GABRA2: variants seen among roughly 807,000 people sequenced by gnomAD.
The protein encoded by GABRA2 is gamma-aminobutyric acid receptor subunit alpha-2.
GABRA2 carries 16 observed loss-of-function variants against 48.7 expected under a neutral mutation model. The observed-to-expected ratio is 0.33, with a 90% CI of 0.22 to 0.50. GABRA2 has a LOEUF of 0.50. Ranked by LOEUF, GABRA2 falls within the 20% of genes least tolerant of loss-of-function variation. GABRA2 has a pLI of 0.98. For missense variants in GABRA2, 275 were observed against 535.6 expected (o/e 0.51, Z 4.80); for synonymous variants, 185 against 184.5 (o/e 1.00, Z -0.02).
rs761772081 is a variant in GABRA2 at position 46,244,050 on chromosome 4, C to T, written c.*6258G>A. Reference sequence around the variant, plus strand: ...AAAATCTTGAAAATTTATAGAAGACCAACAATTTTAAAATCAAGTGTAGTG... The same window carrying T: ...AAAATCTTGAAAATTTATAGAAGACTAACAATTTTAAAATCAAGTGTAGTG... On this transcript the variant is annotated 3_prime_UTR_variant, in exon 10 of 10. Coordinates refer to ENST00000381620, the MANE Select transcript of GABRA2 (RefSeq NM_000807.4). 3.3e-5 allele frequency: 5 copies of T among 151,170 alleles called. No individual in the cohort carries two copies. Among genetic ancestry groups the T allele is most frequent in the Non-Finnish European group, 7.4e-5 (5 of 67,510 alleles). 9.4% of individuals were successfully genotyped at this position (151,170 alleles called of 1,614,324 possible).
intron 8 of GABRA2, among the ~76,000 whole-genome samples, chr4:46,263,936 C>G (rs901972417): frequency 1.3e-5 from 2 of 151,868 alleles, no homozygotes; most frequent in Non-Finnish European, 2.9e-5. Context: ...CTCTCTCTCT[C>G]TCTCTCTCTC....
chr4:46,347,813 C>T (rs1161027368), intron 3 of GABRA2, among the ~76,000 whole-genome samples: 1 of 151,848 alleles, frequency 6.6e-6, no homozygotes, highest in Non-Finnish European at 1.5e-5. Context: ...GAAAAAAACA[C>T]AGACTGGGAG....
chr4:46,370,186 G>GA (rs919390003), intron 3 of GABRA2, among the ~76,000 whole-genome samples: 7 of 147,704 alleles, frequency 4.7e-5, no homozygotes, highest in East Asian at 2.0e-4. Flanking sequence ...AAGCAAAGCT[G>GA]AAAAAAAAAG....
chr4:46,289,913 A>AAT (rs1243890563), intron 8 of GABRA2, among the ~76,000 whole-genome samples: 17 of 111,822 alleles, frequency 1.5e-4, no homozygotes, highest in African/African-American at 7.2e-4. Flanking sequence ...ATTTATTTTT[A>AAT]TTTTTTTTTT....
At chr4:46,362,827 T>G (rs944914507) in intron 3 of GABRA2, among the ~76,000 whole-genome samples, 1 of 152,192 alleles carries the variant, frequency 6.6e-6, no homozygotes, top group Non-Finnish European at 1.5e-5. Flanking sequence ...AAAGTTAAAC[T>G]GGTGTATTCA....
At chr4:46,291,387 T>C (rs1723592426) in intron 8 of GABRA2, among the ~76,000 whole-genome samples, 1 of 152,160 alleles carries the variant, frequency 6.6e-6, no homozygotes, top group Non-Finnish European at 1.5e-5. Context: ...ATTGTGATGG[T>C]TGTTACTGAG....
rs924505865 is a variant in GABRA2, at chr4:46,244,121, T to C, written c.*6187A>G. ...GCAATAAGGACTTAACTGTGGATGGTAAAGTTTAATTCATGAGAATTGTGG... is the reference window on the plus strand; with the variant it reads ...GCAATAAGGACTTAACTGTGGATGGCAAAGTTTAATTCATGAGAATTGTGG... On this transcript the variant is annotated 3_prime_UTR_variant, in exon 10 of 10. Transcript: ENST00000381620. The C allele has an allele frequency of 1.3e-5, 2 of 151,566 alleles. No homozygotes were observed. Among genetic ancestry groups the C allele is most frequent in the African/African-American group, 4.8e-5 (2 of 41,412 alleles). The allele number at this position is 151,566 out of a possible 1,614,324, so 9.4% of individuals were successfully genotyped here. A position where few individuals can be genotyped will look rare whatever the true frequency, so the allele number is the denominator to read the frequency against.
At chr4:46,288,107 G>T (rs925376431) in intron 8 of GABRA2, among the ~76,000 whole-genome samples, 2 of 152,064 alleles carry the variant, frequency 1.3e-5, no homozygotes, top group African/African-American at 4.8e-5. Context: ...ACCTCACACT[G>T]GTTTCCTCTC....
intron 4 of GABRA2, among the ~76,000 whole-genome samples, chr4:46,313,201 A>T (rs1317164441): frequency 6.6e-6 from 1 of 150,712 alleles, no homozygotes; most frequent in Non-Finnish European, 1.5e-5. Context: ...AGAAAAAATT[A>T]AAAAGAAAAA....
In GABRA2 at chr4:46,312,587, G is replaced by T; in HGVS notation, c.385C>A (p.His129Asn). 3 of 1,594,234 alleles carry T rather than the reference G, an allele frequency of 1.9e-6. No individual in the cohort carries two copies. The highest frequency in any genetic ancestry group is 2.6e-6 in the Non-Finnish European group (3 of 1,172,478). Residue 129 changes from histidine (H) to asparagine (N), a missense_variant, in exon 5 of 10, where the codon CAC (histidine) becomes AAC (asparagine). His to Asn is a moderately conservative substitution (Grantham distance 68). Coordinates refer to ENST00000381620, the MANE Select transcript of GABRA2 (RefSeq NM_000807.4). ...SKIWTPDTFF[H>N]NGKKSVAHNM... ...TGAGCTACTGATTTTTTCCCATTGT[G>T]AAAAAAGGTATCTGGAGTCCAGATT... is the stretch of plus-strand genomic sequence containing the variant.
chr4:46,261,274 A>C (rs1051991833), intron 9 of GABRA2: 3 of 152,408 alleles, frequency 2.0e-5, no homozygotes, highest in Non-Finnish European at 4.4e-5. Flanking sequence ...CTTTTAGACC[A>C]TATGAACAAT....
intron 3 of GABRA2, among the ~76,000 whole-genome samples, chr4:46,379,044 C>G (rs1161272226): frequency 6.6e-6 from 1 of 152,148 alleles, no homozygotes; most frequent in Non-Finnish European, 1.5e-5. Context: ...GCAAAACTAC[C>G]TCACCCTAAC....
intron 4 of GABRA2, among the ~76,000 whole-genome samples, chr4:46,321,287 T>G (rs1052675801): frequency 2.6e-5 from 4 of 151,864 alleles, no homozygotes; most frequent in Non-Finnish European, 4.4e-5. Context: ...AAAGCTTAGA[T>G]ACATAGGATG....
At chr4:46,352,822 G>A (rs964004358) in intron 3 of GABRA2, among the ~76,000 whole-genome samples, 1 of 152,086 alleles carries the variant, frequency 6.6e-6, no homozygotes, top group Non-Finnish European at 1.5e-5. Context: ...AATGTCTATG[G>A]TAAAGTGCTT....
rs550656307 is a variant in GABRA2 at position 46,285,347 on chromosome 4, ATATT to A, written c.856+18109_856+18112del. ...ATAGTCTGGATTTTTTATTTTATAT[ATATT>A]TATCATCAATCTTTAAAAACATTTG... On this transcript the variant is annotated intron_variant, in intron 8 of 9. Transcript: ENST00000381620. 5.7e-4 allele frequency among the ~76,000 whole-genome samples: 86 copies of A among 152,180 alleles called. 1 individual carries two copies. The highest frequency in any genetic ancestry group is 1.9e-3 in the African/African-American group (81 of 41,560).
At chr4:46,370,083 T>C (rs867099826) in intron 3 of GABRA2, among the ~76,000 whole-genome samples, 9 of 151,772 alleles carry the variant, frequency 5.9e-5, no homozygotes, top group African/African-American at 2.2e-4. Context: ...ACCAAAAAAG[T>C]GAACAGAAGT....
At chr4:46,355,630 T>G (rs1025037095) in intron 3 of GABRA2, among the ~76,000 whole-genome samples, 2 of 152,196 alleles carry the variant, frequency 1.3e-5, no homozygotes. Context: ...TTTCAATATG[T>G]AGCAATTCTG....
intron 4 of GABRA2, among the ~76,000 whole-genome samples, chr4:46,321,767 A>G (rs1016031186): frequency 2.0e-5 from 3 of 152,060 alleles, no homozygotes; most frequent in Admixed American, 2.0e-4. Context: ...ATAGTCTGGC[A>G]TAAATCATCT....
rs1291705794 is a variant in GABRA2, at chr4:46,246,915, G to A, written c.*3393C>T. On this transcript the variant is annotated 3_prime_UTR_variant, in exon 10 of 10. Coordinates refer to ENST00000381620, the MANE Select transcript of GABRA2 (RefSeq NM_000807.4). ...TGATGACCGGCCATGCCAAAGAAAA[G>A]TACTTTGGTGCTCTTCTGGAATCCA... Among the ~76,000 whole-genome samples, 3 of 151,080 alleles carry A rather than the reference G, an allele frequency of 2.0e-5. No individual in the cohort carries two copies. The highest frequency in any genetic ancestry group is 6.6e-5 in the Admixed American group (1 of 15,096).
Sources: gnomAD v4.1 joint callset for allele counts (sites outside exome capture counted in the v4.1 genomes callset) on GRCh38, gnomAD v4.1.1 for gene constraint, MANE v1.5 for transcripts, NCBI Gene and HGNC (gene_info 2026-07-23, HGNC 2026-07-21) for gene names.